Variants in GNA13 observed in about 807,000 individuals in gnomAD.
GNA13 encodes the protein guanine nucleotide-binding protein subunit alpha-13.
A neutral mutation model predicts 33.5 loss-of-function variants in GNA13; 4 were observed. The observed-to-expected ratio is 0.12, with a 90% CI of 0.06 to 0.27. The LOEUF (loss-of-function observed/expected upper bound fraction) is 0.27, where lower values mean the gene tolerates loss of function less well. Ranked by LOEUF, GNA13 falls within the 10% of genes least tolerant of loss-of-function variation. The pLI, the probability that GNA13 is intolerant of heterozygous loss-of-function variation, is 1.00. For synonymous variants in GNA13, 176 were observed against 183.8 expected (o/e 0.96, Z 0.34); for missense variants, 319 against 487.2 (o/e 0.65, Z 3.25).
chr17:65,051,722 G>A (rs1267460667), intron 2 of GNA13, among the ~76,000 whole-genome samples: 1 of 152,068 alleles, frequency 6.6e-6, no homozygotes. Context: ...ATTGATCAAG[G>A]GACAAAACTA....
At chr17:65,025,572 T>C (rs980555426) in intron 2 of GNA13, among the ~76,000 whole-genome samples, 1 of 152,208 alleles carries the variant, frequency 6.6e-6, no homozygotes, top group Non-Finnish European at 1.5e-5. Flanking sequence ...ATTTTAGCAA[T>C]AGGACTCTAA....
Position 65,014,852 on chromosome 17 carries a change from T to C in GNA13, c.562-23A>G. 1 of 1,481,892 alleles carries C rather than the reference T, an allele frequency of 6.7e-7. No homozygotes were observed. Among genetic ancestry groups the C allele is most frequent in the Non-Finnish European group, 9.3e-7 (1 of 1,072,176 alleles). 91.8% of individuals were successfully genotyped at this position (1,481,892 alleles called of 1,614,324 possible). A position where few individuals can be genotyped will look rare whatever the true frequency, so the allele number is the denominator to read the frequency against. On this transcript the variant is annotated intron_variant, in intron 3 of 3. Transcript: ENST00000439174. This position sits in a 1 kb window ranked among gnomAD's most constrained non-coding sequence, Gnocchi z 5.3. ...ATCCTGGAAAAGAAAAAACTTGTTT[T>C]ATACCTATTAATCCCGAAGTAATGC...
intron 2 of GNA13, among the ~76,000 whole-genome samples, chr17:65,048,501 T>C (rs1907748092): frequency 6.6e-6 from 1 of 152,184 alleles, no homozygotes; most frequent in African/African-American, 2.4e-5. Flanking sequence ...TCTATTATCC[T>C]CAGTATGCTA....
intron 2 of GNA13, among the ~76,000 whole-genome samples, chr17:65,042,811 T>G (rs1285756480): frequency 6.6e-6 from 1 of 152,172 alleles, no homozygotes; most frequent in African/African-American, 2.4e-5. Flanking sequence ...CAACATACAG[T>G]CTAATAAGAA....
chr17:65,037,556 C>G (rs1907292525), intron 2 of GNA13, among the ~76,000 whole-genome samples: 1 of 152,102 alleles, frequency 6.6e-6, no homozygotes, highest in South Asian at 2.1e-4. Context: ...TGACATGTGC[C>G]TACATTTCTC....
chr17:65,049,807 A>T (rs1907797757), intron 2 of GNA13, among the ~76,000 whole-genome samples: 1 of 152,222 alleles, frequency 6.6e-6, no homozygotes, highest in African/African-American at 2.4e-5. Context: ...TCAGGTATAA[A>T]GTCTGAGCAT....
Position 65,013,970 on chromosome 17 carries a change from C to A in GNA13, c.*287G>T. On this transcript the variant is annotated 3_prime_UTR_variant, in exon 4 of 4. Transcript: ENST00000439174. ...TTTGGAAAGTAGAATAATTTAAAGC[C>A]TGAAATATGCCTAGTCTGAGGTCAG... The A allele has an allele frequency of 2.7e-6, 1 of 369,268 alleles. No individual in the cohort carries two copies. Among genetic ancestry groups the A allele is most frequent in the South Asian group, 5.6e-5 (1 of 18,008 alleles). The allele number at this position is 369,268 out of a possible 1,614,324, so 22.9% of individuals were successfully genotyped here.
rs942246312 is a variant in GNA13 at position 65,010,022 on chromosome 17, C to T, written c.*4235G>A. On this transcript the variant is annotated 3_prime_UTR_variant, in exon 4 of 4. Coordinates refer to ENST00000439174, the MANE Select transcript of GNA13 (RefSeq NM_006572.6). ...TCCACCTGTAAACTTTCATCATCAA[C>T]AGCAGATTTGTATATGTCACAAAAC... is the stretch of plus-strand genomic sequence containing the variant. Among the ~76,000 whole-genome samples, 2 of 152,212 alleles carry T rather than the reference C, an allele frequency of 1.3e-5. No homozygotes were observed. Among genetic ancestry groups the T allele is most frequent in the Admixed American group, 6.5e-5 (1 of 15,276 alleles).
intron 2 of GNA13, among the ~76,000 whole-genome samples, chr17:65,021,195 T>C (rs1906569825): frequency 6.6e-6 from 1 of 152,220 alleles, no homozygotes; most frequent in Admixed American, 6.5e-5. Context: ...CCAGTGTACC[T>C]GGGTTCCAGC....
At chr17:65,026,018 A>C (rs1044029188) in intron 2 of GNA13, among the ~76,000 whole-genome samples, 3 of 151,966 alleles carry the variant, frequency 2.0e-5, no homozygotes, top group African/African-American at 7.3e-5. Flanking sequence ...CAGATAAGAC[A>C]CAACAAAAAA....
chr17:65,045,621 C>G (rs950862124), intron 2 of GNA13, among the ~76,000 whole-genome samples: 7 of 151,384 alleles, frequency 4.6e-5, no homozygotes, highest in African/African-American at 1.7e-4. Flanking sequence ...CTTTACCAAG[C>G]TGAATAGTGA....
intron 2 of GNA13, among the ~76,000 whole-genome samples, chr17:65,043,273 G>A (rs1167396291): frequency 7.5e-6 from 1 of 133,666 alleles, no homozygotes; most frequent in Non-Finnish European, 1.6e-5. Context: ...CAATCATTAA[G>A]TTTGAACATG....
Position 65,051,525 on chromosome 17 carries a change from G to C in GNA13, c.510+1977C>G, listed in dbSNP as rs539595372. Among the ~76,000 whole-genome samples, 466 of 152,278 alleles carry C rather than the reference G, an allele frequency of 3.1e-3. 2 individuals are homozygous for C. Among genetic ancestry groups the C allele is most frequent in the Non-Finnish European group, 3.0e-3 (203 of 68,024 alleles). ...AGCTACTTGGGAGGCTGAGGCAGGA[G>C]AATCGCCTGAACCCAGGAGGCGGAG... On this transcript the variant is annotated intron_variant, in intron 2 of 3. Transcript: ENST00000439174.
chr17:65,042,086 C>A (rs572277292), intron 2 of GNA13, among the ~76,000 whole-genome samples: 1 of 152,088 alleles, frequency 6.6e-6, no homozygotes, highest in Non-Finnish European at 1.5e-5. Context: ...CAGCCAGCCG[C>A]GGTGGCTCAC....
chr17:65,019,371 C>T (rs964925811), intron 2 of GNA13, among the ~76,000 whole-genome samples: 20 of 152,128 alleles, frequency 1.3e-4, no homozygotes, highest in African/African-American at 4.8e-4. Context: ...TGCACCCCCA[C>T]GTTTACTGCT....
chr17:65,038,416 AAC>A (rs1045966276), intron 2 of GNA13, among the ~76,000 whole-genome samples: 8 of 118,646 alleles, frequency 6.7e-5, no homozygotes, highest in African/African-American at 2.4e-4. Flanking sequence ...AAAAAAAAAA[AAC>A]CATTTATTTT....
chr17:65,037,047 G>A (rs530095098), intron 2 of GNA13, among the ~76,000 whole-genome samples: 10 of 152,158 alleles, frequency 6.6e-5, no homozygotes, highest in Non-Finnish European at 1.5e-4. Flanking sequence ...GAATGAATGA[G>A]TGCAATGTAT....
chr17:65,049,105 TA>T (rs1190688790), intron 2 of GNA13, among the ~76,000 whole-genome samples: 4 of 152,210 alleles, frequency 2.6e-5, no homozygotes. Context: ...TTATATTACA[TA>T]TTTTTTAATT....
chr17:65,027,347 T>A (rs576102898), intron 2 of GNA13, among the ~76,000 whole-genome samples: 41 of 141,544 alleles, frequency 2.9e-4, no homozygotes, highest in African/African-American at 1.0e-3. Flanking sequence ...AGGTTTTCAC[T>A]ATGTTTCCCA....
Sources: allele counts gnomAD v4.1 joint callset (sites outside exome capture counted in the v4.1 genomes callset), GRCh38; gene constraint gnomAD v4.1.1; non-coding constraint Gnocchi (gnomAD v3.1); transcripts MANE v1.5; gene names NCBI Gene and HGNC (gene_info 2026-07-23, HGNC 2026-07-21).